AGTPBP1: variants seen among roughly 807,000 people sequenced by gnomAD.
The protein encoded by AGTPBP1 is cytosolic carboxypeptidase 1.
AGTPBP1 carries 70 observed loss-of-function variants against 143.9 expected under a neutral mutation model. The ratio of observed to expected loss-of-function variants is 0.49; its 90% CI spans 0.40 to 0.59. The LOEUF (loss-of-function observed/expected upper bound fraction) is 0.59. Ranked by LOEUF, AGTPBP1 falls within the 20% of genes least tolerant of loss-of-function variation. AGTPBP1 has a pLI of 0.00. For synonymous variants in AGTPBP1, 463 were observed against 500.2 expected, an observed-to-expected ratio of 0.93 and a Z score of 0.99; for missense variants, 1,229 against 1,464.5, an observed-to-expected ratio of 0.84 and a Z score of 2.62.
chr9:85,688,725 C>T (rs543249849), intron 3 of AGTPBP1, among the ~76,000 whole-genome samples: 21 of 152,146 alleles, frequency 1.4e-4, no homozygotes, highest in African/African-American at 4.6e-4. Context: ...AAGTAGTTAA[C>T]GAGAGGCAAA....
the AGTPBP1 span, among the ~76,000 whole-genome samples, chr9:85,777,166 G>C: frequency 9.9e-5 from 15 of 152,258 alleles, 1 homozygote; most frequent in South Asian, 1.7e-3. Flanking sequence ...AACTTGGTCA[G>C]AGGCAATGCT....
intron 1 of AGTPBP1, among the ~76,000 whole-genome samples, chr9:85,724,122 A>C (rs1838310266): frequency 6.6e-6 from 1 of 152,030 alleles, no homozygotes; most frequent in South Asian, 2.1e-4. Flanking sequence ...CCCGAACTCT[A>C]CTATAAATAC....
chr9:85,689,925 A>AATATATATATATATATATATAT (rs1554726691), intron 3 of AGTPBP1, among the ~76,000 whole-genome samples: 2 of 72,490 alleles, frequency 2.8e-5, no homozygotes, highest in African/African-American at 1.4e-4. Flanking sequence ...AAAAAAAAAA[A>AATATATATATATATATATATAT]ATATATATAT....
At chr9:85,608,994 G>A (rs904946941) in intron 17 of AGTPBP1, among the ~76,000 whole-genome samples, 2 of 152,028 alleles carry the variant, frequency 1.3e-5, no homozygotes, top group Admixed American at 1.3e-4. Context: ...CGGACAGTGG[G>A]GCCCAAAATT....
intron 23 of AGTPBP1, 78 bp downstream of exon 23, chr9:85,585,385 G>A (rs2133161777): frequency 7.8e-7 from 1 of 1,275,108 alleles, no homozygotes; most frequent in Non-Finnish European, 1.0e-6. Context: ...TTGAATGTGA[G>A]TAGTTCATAT....
At chr9:85,661,286 A>T (rs1833842637) in intron 8 of AGTPBP1, among the ~76,000 whole-genome samples, 1 of 152,144 alleles carries the variant, frequency 6.6e-6, no homozygotes, top group Admixed American at 6.6e-5. Flanking sequence ...CAGCCTCTGT[A>T]TCTGACCTGA....
chr9:85,578,724 AG>A (rs1320840126), intron 24 of AGTPBP1, among the ~76,000 whole-genome samples, 195 bp downstream of exon 24: 1 of 152,192 alleles, frequency 6.6e-6, no homozygotes, highest in African/African-American at 2.4e-5. Context: ...TAAGCTATTT[AG>A]TTCAGAGAAG....
At chr9:85,777,425 T>C in the AGTPBP1 span, among the ~76,000 whole-genome samples, 1 of 152,270 alleles carries the variant, frequency 6.6e-6, no homozygotes, top group Non-Finnish European at 1.5e-5. Context: ...TGCTGGCAAA[T>C]TGGGCACTCA....
At chr9:85,692,463 C>T (rs181596329) in intron 3 of AGTPBP1, among the ~76,000 whole-genome samples, 8 of 151,592 alleles carry the variant, frequency 5.3e-5, no homozygotes, top group East Asian at 1.9e-4. Context: ...TTAGTAGAGA[C>T]GGGGTTTCAC....
At chr9:85,573,716 C>T (rs908309220) in intron 25 of AGTPBP1, among the ~76,000 whole-genome samples, 2 of 151,876 alleles carry the variant, frequency 1.3e-5, no homozygotes, top group Admixed American at 6.6e-5. Flanking sequence ...TCTGCCCGGC[C>T]GCCCATCATC....
At chr9:85,588,156 G>T in intron 21 of AGTPBP1, 142 bp downstream of exon 21, 1 of 650,724 alleles carries the variant, frequency 1.5e-6, no homozygotes. Context: ...TCATTTAAAA[G>T]TTTATCTTAA....
chr9:85,661,440 G>C (rs993965410), intron 8 of AGTPBP1, among the ~76,000 whole-genome samples: 1 of 151,956 alleles, frequency 6.6e-6, no homozygotes, highest in Non-Finnish European at 1.5e-5. Flanking sequence ...ATTCTATCAA[G>C]GTATATATCC....
intron 25 of AGTPBP1, among the ~76,000 whole-genome samples, chr9:85,555,031 A>G (rs1826249308): frequency 6.6e-6 from 1 of 152,196 alleles, no homozygotes; most frequent in Non-Finnish European, 1.5e-5. Flanking sequence ...AAGGGAAGAA[A>G]GCAAAAAAAG....
chr9:85,771,055 G>T, the AGTPBP1 span, among the ~76,000 whole-genome samples: 2 of 152,176 alleles, frequency 1.3e-5, no homozygotes, highest in African/African-American at 2.4e-5. Context: ...TCATAGCATT[G>T]AGAACTATAT....
rs547958848 is a variant in AGTPBP1 at position 85,662,887 on chromosome 9, T to A, written c.663-1914A>T. Among the ~76,000 whole-genome samples the A allele has an allele frequency of 4.0e-3, 616 of 152,274 alleles. 4 individuals carry two copies. Among genetic ancestry groups the A allele is most frequent in the Non-Finnish European group, 7.1e-3 (481 of 68,016 alleles). On this transcript the variant is annotated intron_variant, in intron 8 of 25. Transcript: ENST00000357081. ...TACCCTCTCATTTGATGTAATTTTT[T>A]AAATGGACAAAATGGAATGGCTGTT...
intron 25 of AGTPBP1, among the ~76,000 whole-genome samples, chr9:85,556,154 T>C (rs949158183): frequency 1.3e-5 from 2 of 151,946 alleles, no homozygotes; most frequent in Non-Finnish European, 2.9e-5. Flanking sequence ...ATACTACTAA[T>C]AAAAAATAAT....
rs57676033 is a variant in AGTPBP1 at position 85,728,030 on chromosome 9, T to TACACAC, written c.-34+13739_-34+13744dup. On this transcript the variant is annotated intron_variant, in intron 1 of 25. Transcript: ENST00000357081. ...CCGTGTCTCAAAATATATATTTATA[T>TACACAC]ACACACACACACACACACACACACA... Among the ~76,000 whole-genome samples the TACACAC allele has an allele frequency of 1.5e-3, 188 of 128,424 alleles. 1 individual carries two copies. The highest frequency in any genetic ancestry group is 7.7e-3 in the Middle Eastern group (2 of 260). The allele number at this position is 128,424 out of a possible 152,430, so 84.3% of individuals were successfully genotyped here.
intron 13 of AGTPBP1, among the ~76,000 whole-genome samples, chr9:85,639,906 C>A (rs1014063928): frequency 6.6e-6 from 1 of 152,202 alleles, no homozygotes. Flanking sequence ...TAATACCATA[C>A]GTTGCCTTCG....
At chr9:85,697,448 T>G (rs1161086099) in intron 2 of AGTPBP1, among the ~76,000 whole-genome samples, 1 of 122,340 alleles carries the variant, frequency 8.2e-6, no homozygotes, top group Non-Finnish European at 1.7e-5. Flanking sequence ...GTTTTTTGTT[T>G]TTTTTTTTTT....
Sources: gnomAD v4.1 joint callset for allele counts (sites outside exome capture counted in the v4.1 genomes callset) on GRCh38, gnomAD v4.1.1 for gene constraint, MANE v1.5 for transcripts, NCBI Gene and HGNC (gene_info 2026-07-23, HGNC 2026-07-21) for gene names.